The following ANKLE2 variants were observed in gnomAD, a reference collection of about 807,000 sequenced individuals.
ANKLE2 encodes the protein ankyrin repeat and LEM domain-containing protein 2.
ANKLE2 carries 55 observed loss-of-function variants against 84.2 expected under a neutral mutation model. The ratio of observed to expected loss-of-function variants is 0.65; its 90% CI spans 0.53 to 0.82. The LOEUF (loss-of-function observed/expected upper bound fraction) is 0.82, where lower values mean the gene tolerates loss of function less well. Ranked by LOEUF, ANKLE2 falls within the 40% of genes least tolerant of loss-of-function variation. ANKLE2 has a pLI of 0.00. For missense variants in ANKLE2, 1,238 were observed against 1,201.9 expected, an observed-to-expected ratio of 1.03 and a Z score of -0.44; for synonymous variants, 551 against 486.1, an observed-to-expected ratio of 1.13 and a Z score of -1.76.
chr12:132,753,827 C>T (rs974931883), intron 2 of ANKLE2, among the ~76,000 whole-genome samples: 11 of 151,718 alleles, frequency 7.3e-5, no homozygotes, highest in African/African-American at 1.5e-4. Flanking sequence ...GCTACTCAAG[C>T]GGCTGAGGTG....
intron 7 of ANKLE2, chr12:132,737,758 T>C (rs2063791368): frequency 1.3e-5 from 2 of 152,090 alleles, no homozygotes; most frequent in African/African-American, 4.8e-5. Context: ...CTCTCCTTTT[T>C]TTCTCCTCTT....
Position 132,753,696 on chromosome 12 carries a change from G to T in ANKLE2, c.640+979C>A, listed in dbSNP as rs554395984. On this transcript the variant is annotated intron_variant, in intron 2 of 12. Coordinates refer to ENST00000357997, the MANE Select transcript of ANKLE2 (RefSeq NM_015114.3). ...GCTGAGGTTACAGTGAGCTGAGATCGCACCACTGCACTCCAGCCCAGGTGA... is the reference window on the plus strand; with the variant it reads ...GCTGAGGTTACAGTGAGCTGAGATCTCACCACTGCACTCCAGCCCAGGTGA... 4.6e-5 allele frequency among the ~76,000 whole-genome samples: 7 copies of T among 151,698 alleles called. No individual in the cohort carries two copies. The South Asian group carries it at 1.5e-3, about 32-fold the overall frequency.
chr12:132,749,253 T>G (rs2044306637), intron 3 of ANKLE2, among the ~76,000 whole-genome samples: 2 of 152,046 alleles, frequency 1.3e-5, no homozygotes, highest in Non-Finnish European at 2.9e-5. Flanking sequence ...CCTTCCAGTT[T>G]CAAGCAATTC....
intron 10 of ANKLE2, chr12:132,731,540 ACAG>A (rs1209370811): frequency 2.0e-5 from 3 of 147,158 alleles, no homozygotes; most frequent in African/African-American, 7.4e-5. Context: ...ACACACACAC[ACAG>A]TTTAAACTGT....
chr12:132,730,111 T>A lies in ANKLE2; in HGVS notation c.2051A>T (p.Asp684Val), dbSNP rs767176067. ...TCCCGGCTCGGCGGCTTCTATGAGG[T>A]CTGCCTCCTGCTCCAAGGGGAAGGC... ...CSAFPLEQEADLIEAAEPGGP... is the reference protein window; with the variant it reads ...CSAFPLEQEAVLIEAAEPGGP... Residue 684 changes from aspartate to valine, a missense_variant, in exon 11 of 13, where the codon GAC becomes GTC. Asp to Val is a radical substitution (Grantham distance 152). Coordinates refer to ENST00000357997, the MANE Select transcript of ANKLE2 (RefSeq NM_015114.3). 3 of 1,612,358 alleles carry A rather than the reference T, an allele frequency of 1.9e-6. No homozygotes were observed. Among genetic ancestry groups the A allele is most frequent in the Non-Finnish European group, 2.5e-6 (3 of 1,179,722 alleles).
chr12:132,733,942 G>A (rs2043950242), intron 10 of ANKLE2: 5 of 456,908 alleles, frequency 1.1e-5, no homozygotes, highest in Middle Eastern at 3.2e-4. Context: ...TGCTCAAAGC[G>A]ATGCCATTAT....
At chr12:132,734,729 C>T (rs541632840) in intron 9 of ANKLE2, 154 bp from the exon 10 acceptor site, 11 of 744,612 alleles carry the variant, frequency 1.5e-5, no homozygotes, top group South Asian at 9.8e-5. Flanking sequence ...TGAAATCATA[C>T]GGTGCATTTT....
chr12:132,731,537 C>T (rs1247878104), intron 10 of ANKLE2: 1 of 147,568 alleles, frequency 6.8e-6, no homozygotes, highest in Non-Finnish European at 1.5e-5. Flanking sequence ...CACACACACA[C>T]ACACAGTTTA....
At position 132,729,975 on chromosome 12, in the gene ANKLE2, G is replaced by C. The variant is rs1232026684; in HGVS notation, c.2187C>G (p.Val729=). 6 of 1,613,312 alleles carry C rather than the reference G, an allele frequency of 3.7e-6. No homozygotes were observed. The highest frequency in any genetic ancestry group is 1.7e-5 in the Admixed American group (1 of 59,978). ...TATCAAACTCAACAGTCAAATCCGAGACAGGTGGCAGATGGGCTTCCTCCC... is the reference window on the plus strand; with the variant it reads ...TATCAAACTCAACAGTCAAATCCGACACAGGTGGCAGATGGGCTTCCTCCC... ...PRGEEAHLPP[V]SDLTVEFDKL... The change falls in exon 11 of 13, where the codon GTC becomes GTG. Residue 729 remains valine, a synonymous_variant. Coordinates refer to ENST00000357997, the MANE Select transcript of ANKLE2 (RefSeq NM_015114.3).
intron 2 of ANKLE2, 84 bp downstream of exon 2, chr12:132,754,591 T>C: frequency 3.7e-6 from 5 of 1,365,888 alleles, no homozygotes; most frequent in Admixed American, 2.4e-5. Context: ...CTTCTTAATC[T>C]GTAGTTTTCC....
intron 7 of ANKLE2, 176 bp from the exon 8 acceptor site, chr12:132,737,241 T>G (rs2136127957): frequency 1.8e-6 from 1 of 567,792 alleles, no homozygotes; most frequent in East Asian, 3.0e-5. Flanking sequence ...ATGGATACAA[T>G]GGAAACAAAG....
rs778351740 is a variant in ANKLE2 at position 132,734,487 on chromosome 12, G to T, written c.1789C>A (p.Gln597Lys). 9 of 1,614,044 alleles carry T rather than the reference G, an allele frequency of 5.6e-6. No homozygotes were observed. The East Asian group carries it at 1.8e-4, about 32-fold the overall frequency. ...FVDLSSQEGL[Q>K]RLEEYLTQQE... The stretch of plus-strand genomic sequence containing the variant: ...TGTGTGAGATATTCTTCTAGTCTTT[G>T]CAGGCCTTCCTGGGAAGACAGATCA... Residue 597 changes from glutamine to lysine, a missense_variant, in exon 10 of 13, where the codon CAA becomes AAA. Gln to Lys is a moderately conservative substitution (Grantham distance 53). Around this residue, in one of 3 missense-constraint regions of ANKLE2, gnomAD observed 802 missense variants for 774.5 expected, o/e 1.04. Coordinates refer to ENST00000357997, the MANE Select transcript of ANKLE2 (RefSeq NM_015114.3).
intron 1 of ANKLE2, chr12:132,759,375 T>C (rs2044565589): frequency 6.6e-6 from 1 of 152,124 alleles, no homozygotes; most frequent in African/African-American, 2.4e-5. Flanking sequence ...TAGTTTTCAT[T>C]TGTCTAATAA....
chr12:132,761,586 G>A lies in ANKLE2; in HGVS notation c.181+32C>T, dbSNP rs941333709. The A allele has an allele frequency of 6.1e-5, 74 of 1,214,896 alleles. No individual in the cohort carries two copies. The African/African-American group carries it at 1.1e-3, about 19-fold the overall frequency. The allele number at this position is 1,214,896 out of a possible 1,614,324, so 75.3% of individuals were successfully genotyped here. On this transcript the variant is annotated intron_variant, in intron 1 of 12. Transcript: ENST00000357997. ...GCGTCGGGGCGGGGAAGGGGCCAGG[G>A]TGCGGGGACCCAGCGACCGCCTGGG...
chr12:132,752,247 G>A (rs893864925), intron 2 of ANKLE2, among the ~76,000 whole-genome samples: 5 of 152,126 alleles, frequency 3.3e-5, no homozygotes, highest in South Asian at 2.1e-4. Flanking sequence ...GGCTGCAGCA[G>A]GAAAATCACT....
intron 6 of ANKLE2, 134 bp from the exon 7 acceptor site, chr12:132,741,619 A>T (rs2044124835): frequency 1.2e-6 from 1 of 868,956 alleles, no homozygotes. Context: ...AATAAAGCTC[A>T]CACTCAGAAA....
intron 7 of ANKLE2, chr12:132,738,530 T>TTG (rs1329149046): frequency 6.6e-6 from 1 of 151,544 alleles, no homozygotes; most frequent in African/African-American, 2.4e-5. Flanking sequence ...TTTCATAGTT[T>TTG]TTTTTTTTTT....
chr12:132,754,953 T>G lies in ANKLE2; in HGVS notation c.362A>C (p.Tyr121Ser). 6.2e-6 allele frequency: 10 copies of G among 1,614,200 alleles called. No individual in the cohort carries two copies. Among genetic ancestry groups the G allele is most frequent in the Non-Finnish European group, 8.5e-6 (10 of 1,180,042 alleles). ...LEQGGRLSSF[Y>S]HHEAGVTALS... ...AGCTGTGACACCTGCCTCATGGTGGTAGAAAGAAGACAGCCTTCCTCCTTG... is the reference window on the plus strand; with the variant it reads ...AGCTGTGACACCTGCCTCATGGTGGGAGAAAGAAGACAGCCTTCCTCCTTG... The change falls in exon 2 of 13, where the codon TAC becomes TCC. Residue 121 changes from tyrosine (Y) to serine (S), a missense_variant. Tyr to Ser is a moderately radical substitution (Grantham distance 144). Around this residue, in one of 3 missense-constraint regions of ANKLE2, gnomAD observed 422 missense variants for 394.5 expected, o/e 1.07. Coordinates refer to ENST00000357997, the MANE Select transcript of ANKLE2 (RefSeq NM_015114.3).
Position 132,743,126 on chromosome 12 carries a change from T to C in ANKLE2, c.1353+28A>G. ...ATATATTTCCATTTCTAACTCTAGA[T>C]AGCAACTGCATTGTAATAAGTACTT... On this transcript the variant is annotated intron_variant, in intron 6 of 12. Transcript: ENST00000357997. The surrounding 1 kb of genome is among the most constrained non-coding windows in gnomAD (Gnocchi z 4.1). The C allele has an allele frequency of 6.4e-7, 1 of 1,557,942 alleles. No homozygotes were observed. The highest frequency in any genetic ancestry group is 8.7e-7 in the Non-Finnish European group (1 of 1,148,492).
Sources: gnomAD v4.1 joint callset for allele counts (sites outside exome capture counted in the v4.1 genomes callset) on GRCh38, gnomAD v4.1.1 for gene constraint, gnomAD v4.1.1 regional missense constraint, Gnocchi (gnomAD v3.1) non-coding constraint, MANE v1.5 for transcripts, NCBI Gene and HGNC (gene_info 2026-07-23, HGNC 2026-07-21) for gene names.